PDE4D: variants seen among roughly 807,000 people sequenced by gnomAD.
PDE4D encodes the protein phosphodiesterase 4D.
A neutral mutation model predicts 87.4 loss-of-function variants in PDE4D; 24 were observed. That is an observed-to-expected ratio of 0.27 (90% CI 0.20 to 0.39). The LOEUF is 0.39. Among genes scored for constraint, PDE4D ranks in the 10% least tolerant of loss-of-function variants. PDE4D has a pLI of 1.00. For missense variants in PDE4D, 714 were observed against 1,041.0 expected, an observed-to-expected ratio of 0.69 and a Z score of 4.32; for synonymous variants, 384 against 383.2, an observed-to-expected ratio of 1.00 and a Z score of -0.02.
intron 1 of PDE4D, among the ~76,000 whole-genome samples, chr5:59,507,133 A>C (rs916592589): frequency 2.0e-5 from 3 of 152,148 alleles, no homozygotes; most frequent in African/African-American, 7.2e-5. Flanking sequence ...GGAGTTCGTG[A>C]CCAGCCCGGC....
At chr5:59,908,240 G>A (rs2152767834) in intron 3 of PDE4D, among the ~76,000 whole-genome samples, 1 of 152,114 alleles carries the variant, frequency 6.6e-6, no homozygotes, top group Non-Finnish European at 1.5e-5. Context: ...ATCTACACAA[G>A]TACTCAGATG....
At position 60,475,704 on chromosome 5, in the gene PDE4D, A is replaced by T. The variant is rs1748256393; in HGVS notation, c.-90+12238T>A. 2.0e-5 allele frequency among the ~76,000 whole-genome samples: 3 copies of T among 151,934 alleles called. No homozygotes were observed. In the South Asian group the frequency reaches 6.2e-4, roughly 32 times the overall value. ...AAGGAGACAGTAGTGTACAAAACAG[A>T]CTAAGTTCCTGTTTGCAGAGAATTT... On this transcript the variant is annotated intron_variant, in intron 1 of 16. Coordinates refer to the PDE4D transcript ENST00000502484.
chr5:59,291,253 A>C (rs1289729050), intron 1 of PDE4D, among the ~76,000 whole-genome samples: 1 of 152,136 alleles, frequency 6.6e-6, no homozygotes, highest in Non-Finnish European at 1.5e-5. Flanking sequence ...TTTAGCCATA[A>C]AAAAGAATGA....
chr5:59,268,648 G>A (rs1451318399), intron 1 of PDE4D, among the ~76,000 whole-genome samples: 2 of 152,004 alleles, frequency 1.3e-5, no homozygotes, highest in African/African-American at 4.8e-5. Flanking sequence ...AATCTATATT[G>A]ATTTTTTATT....
At chr5:60,297,833 A>G (rs1336511787) in intron 1 of PDE4D, among the ~76,000 whole-genome samples, 1 of 152,182 alleles carries the variant, frequency 6.6e-6, no homozygotes, top group Non-Finnish European at 1.5e-5. Flanking sequence ...ACTTCTTTGC[A>G]TGCTTAATTT....
At chr5:59,411,862 T>G (rs950168850) in intron 1 of PDE4D, among the ~76,000 whole-genome samples, 1 of 152,244 alleles carries the variant, frequency 6.6e-6, no homozygotes, top group Admixed American at 6.5e-5. Context: ...TTGCAAGTAT[T>G]CTCTATCCTT....
chr5:59,817,397 A>T (rs1181011808), intron 1 of PDE4D, among the ~76,000 whole-genome samples: 1 of 152,232 alleles, frequency 6.6e-6, no homozygotes, highest in Non-Finnish European at 1.5e-5. Context: ...ACTGGTATTT[A>T]GATTACTAAT....
At chr5:59,344,030 T>C (rs1779215119) in intron 1 of PDE4D, among the ~76,000 whole-genome samples, 1 of 152,146 alleles carries the variant, frequency 6.6e-6, no homozygotes, top group East Asian at 1.9e-4. Context: ...GAAATTACAT[T>C]TTGCGTGGTG....
At position 59,394,848 on chromosome 5, in the gene PDE4D, C is replaced by A. The variant is rs1053124148; in HGVS notation, c.456-178880G>T. On this transcript the variant is annotated intron_variant, in intron 1 of 14. Transcript: ENST00000340635. Reference sequence around the variant, plus strand: ...GTTCATCTCACTAGGGAGTGCCAGACAGTAGGCGCAGGTCAGTGGGTGCGC... The same window carrying A: ...GTTCATCTCACTAGGGAGTGCCAGAAAGTAGGCGCAGGTCAGTGGGTGCGC... Among the ~76,000 whole-genome samples, 102 of 152,046 alleles carry A rather than the reference C, an allele frequency of 6.7e-4. 8 individuals are homozygous for A. The highest frequency in any genetic ancestry group is 4.4e-5 in the Non-Finnish European group (3 of 68,014).
At chr5:59,767,565 A>G (rs1459843849) in intron 1 of PDE4D, among the ~76,000 whole-genome samples, 1 of 152,192 alleles carries the variant, frequency 6.6e-6, no homozygotes, top group Non-Finnish European at 1.5e-5. Flanking sequence ...CACCCATTAT[A>G]AAGAAGATAA....
At chr5:59,948,344 G>A (rs764975357) in intron 3 of PDE4D, among the ~76,000 whole-genome samples, 1 of 152,152 alleles carries the variant, frequency 6.6e-6, no homozygotes, top group African/African-American at 2.4e-5. Flanking sequence ...CCATATATAA[G>A]TTCTGTATAT....
At chr5:59,033,648 C>G (rs373728472) in intron 6 of PDE4D, among the ~76,000 whole-genome samples, 14 of 152,152 alleles carry the variant, frequency 9.2e-5, no homozygotes, top group African/African-American at 2.9e-4. Flanking sequence ...AAAGCATTAT[C>G]TATCATCCTT....
At chr5:60,459,309 G>T (rs1269844668) in intron 1 of PDE4D, among the ~76,000 whole-genome samples, 1 of 152,100 alleles carries the variant, frequency 6.6e-6, no homozygotes, top group Non-Finnish European at 1.5e-5. Context: ...AAGCCATGTT[G>T]TCAAAATGCC....
intron 1 of PDE4D, among the ~76,000 whole-genome samples, chr5:59,801,458 T>G (rs1327057458): frequency 6.6e-6 from 1 of 152,240 alleles, no homozygotes; most frequent in Non-Finnish European, 1.5e-5. Flanking sequence ...GATATCTATC[T>G]ATCTACTAAC....
intron 1 of PDE4D, chr5:60,460,733 G>C (rs1336007769): frequency 1.4e-6 from 1 of 719,588 alleles, no homozygotes; most frequent in Non-Finnish European, 2.4e-6. Context: ...TGGCATTTGG[G>C]GGCCATGCTG....
At chr5:60,116,797 A>G (rs188036267) in intron 2 of PDE4D, among the ~76,000 whole-genome samples, 1 of 152,072 alleles carries the variant, frequency 6.6e-6, no homozygotes, top group Admixed American at 6.6e-5. Flanking sequence ...AAAATAATAT[A>G]TTATAATCAA....
chr5:59,651,866 A>G (rs1015950488), intron 1 of PDE4D, among the ~76,000 whole-genome samples: 2 of 152,232 alleles, frequency 1.3e-5, no homozygotes, highest in African/African-American at 4.8e-5. Flanking sequence ...TTCCCCTTCA[A>G]GAATGAAAGA....
chr5:59,844,538 G>A (rs1008695234), intron 1 of PDE4D, among the ~76,000 whole-genome samples: 5 of 152,076 alleles, frequency 3.3e-5, no homozygotes, highest in Non-Finnish European at 5.9e-5. Context: ...GATCTGGCCA[G>A]GTCAGCATTC....
At chr5:59,137,912 ACACTTTCTATGTGACTCAGAATACTCTGC>A (rs1446260666) in intron 5 of PDE4D, among the ~76,000 whole-genome samples, 1 of 152,244 alleles carries the variant, frequency 6.6e-6, no homozygotes, top group African/African-American at 2.4e-5. Flanking sequence ...TATGCTTCTG[ACACTTTCTATGTGACTCAGAATACTCTGC>A]TGGGAATAGC....
Sources: gnomAD v4.1 joint callset for allele counts (sites outside exome capture counted in the v4.1 genomes callset) on GRCh38, gnomAD v4.1.1 for gene constraint, MANE v1.5 for transcripts, NCBI Gene and HGNC (gene_info 2026-07-23, HGNC 2026-07-21) for gene names.